Variants in MMP16 observed in about 807,000 individuals in gnomAD.
The protein encoded by MMP16 is matrix metalloproteinase-16.
In MMP16, 12 loss-of-function variants were observed where a neutral mutation model predicts 67.8. That is an observed-to-expected ratio of 0.18 (90% confidence interval 0.11 to 0.29). MMP16 has a LOEUF of 0.29. Among genes scored for constraint, MMP16 ranks in the 10% least tolerant of loss-of-function variants. The probability of loss-of-function intolerance (pLI) is 1.00; values close to 1 mark genes in which losing one functional copy is unlikely to be tolerated. For missense variants in MMP16, 475 were observed against 765.7 expected (o/e 0.62, Z 4.48); for synonymous variants, 249 against 255.9 (o/e 0.97, Z 0.26).
intron 1 of MMP16, among the ~76,000 whole-genome samples, chr8:88,324,871 AG>A (rs922062074): frequency 7.9e-5 from 12 of 152,214 alleles, no homozygotes; most frequent in African/African-American, 2.4e-4. Context: ...TCTAAAAAAA[AG>A]GGGGGGTATC....
intron 1 of MMP16, among the ~76,000 whole-genome samples, chr8:88,304,025 A>C (rs1811174406): frequency 6.7e-6 from 1 of 149,158 alleles, no homozygotes; most frequent in Non-Finnish European, 1.5e-5. Context: ...GTTGTAACCC[A>C]ATGAAAAGAA....
Position 88,056,274 on chromosome 8 carries a change from G to A in MMP16, c.1227C>T (p.Asn409=). Residue 409 remains asparagine, a synonymous_variant, in exon 8 of 10, where the codon AAC becomes AAT. Transcript: ENST00000286614. ...TTGTATCCTTGAACACCCAATATTT[G>A]TTACCTGTATGGAATAAGTGTAAAT... ...SDGNFVFFKG[N]KYWVFKDTTL... 1 of 1,537,278 alleles carries A rather than the reference G, an allele frequency of 6.5e-7. No individual in the cohort carries two copies. The highest frequency in any genetic ancestry group is 8.8e-7 in the Non-Finnish European group (1 of 1,133,616).
chr8:88,102,229 A>T (rs1022075908), intron 6 of MMP16, among the ~76,000 whole-genome samples: 1 of 151,772 alleles, frequency 6.6e-6, no homozygotes, highest in Non-Finnish European at 1.5e-5. Flanking sequence ...CCCTCTTCAG[A>T]CAAGCAGTGG....
chr8:88,154,039 A>G (rs1808460731), intron 4 of MMP16, among the ~76,000 whole-genome samples: 1 of 147,456 alleles, frequency 6.8e-6, no homozygotes, highest in African/African-American at 2.5e-5. Flanking sequence ...AAACAACCCC[A>G]TCAAAAAGTG....
chr8:88,258,979 A>G (rs1278317201), intron 1 of MMP16, among the ~76,000 whole-genome samples: 1 of 152,128 alleles, frequency 6.6e-6, no homozygotes, highest in Non-Finnish European at 1.5e-5. Context: ...CAAGAACCTA[A>G]TGTGGTAGCT....
chr8:88,291,866 T>A (rs1810930392), intron 1 of MMP16, among the ~76,000 whole-genome samples: 2 of 152,202 alleles, frequency 1.3e-5, no homozygotes, highest in Non-Finnish European at 2.9e-5. Context: ...TTTTAATGAC[T>A]TGATATTCAC....
chr8:88,323,201 G>A lies in MMP16; in HGVS notation c.132+3874C>T, dbSNP rs191247926. ...TTTTTTAAGCAAGCAAAGAACAAGAGAAAAGCAACAGTGTCCCAACATAAG... is the reference window on the plus strand; with the variant it reads ...TTTTTTAAGCAAGCAAAGAACAAGAAAAAAGCAACAGTGTCCCAACATAAG... On this transcript the variant is annotated intron_variant, in intron 1 of 9. Transcript: ENST00000286614. 1.1e-3 allele frequency among the ~76,000 whole-genome samples: 165 copies of A among 152,146 alleles called. 1 individual carries two copies. Among genetic ancestry groups the A allele is most frequent in the Admixed American group, 2.3e-3 (35 of 15,286 alleles).
chr8:88,210,845 T>C (rs147742871), intron 1 of MMP16, among the ~76,000 whole-genome samples: 87 of 152,250 alleles, frequency 5.7e-4, no homozygotes, highest in Middle Eastern at 3.4e-3. Context: ...AGAGTACTGA[T>C]ACTCAATGTA....
chr8:88,300,169 A>C (rs1385161397), intron 1 of MMP16, among the ~76,000 whole-genome samples: 1 of 152,216 alleles, frequency 6.6e-6, no homozygotes, highest in Admixed American at 6.5e-5. Flanking sequence ...TTATAAATGC[A>C]TTCTATCAGG....
At chr8:88,141,427 G>T (rs992365632) in intron 4 of MMP16, among the ~76,000 whole-genome samples, 2 of 152,162 alleles carry the variant, frequency 1.3e-5, no homozygotes, top group Admixed American at 1.3e-4. Context: ...TTTAGCTGGA[G>T]TTAATACTCA....
At chr8:88,236,200 C>T (rs1299149178) in intron 1 of MMP16, among the ~76,000 whole-genome samples, 2 of 152,206 alleles carry the variant, frequency 1.3e-5, no homozygotes, top group Admixed American at 6.5e-5. Flanking sequence ...AGTTACAGGG[C>T]AGGGTGCTAG....
At chr8:88,310,024 C>T (rs573667124) in intron 1 of MMP16, among the ~76,000 whole-genome samples, 27 of 152,172 alleles carry the variant, frequency 1.8e-4, no homozygotes, top group Non-Finnish European at 3.8e-4. Flanking sequence ...GTTAAGACCT[C>T]CAGTGAAATA....
intron 1 of MMP16, among the ~76,000 whole-genome samples, chr8:88,320,344 T>A (rs1252825381): frequency 6.6e-6 from 1 of 152,180 alleles, no homozygotes; most frequent in Non-Finnish European, 1.5e-5. Flanking sequence ...TTAAATTTAT[T>A]CCACCTCTAA....
chr8:88,239,286 C>T (rs948763137), intron 1 of MMP16, among the ~76,000 whole-genome samples: 4 of 86,488 alleles, frequency 4.6e-5, no homozygotes, highest in Non-Finnish European at 8.4e-5. Flanking sequence ...CAGAGACAGA[C>T]GCAGTCTCAA....
chr8:88,232,323 A>T (rs185541660), intron 1 of MMP16, among the ~76,000 whole-genome samples: 1 of 152,292 alleles, frequency 6.6e-6, no homozygotes, highest in East Asian at 1.9e-4. Flanking sequence ...AAACTGAAGC[A>T]ATCTCCCAAC....
chr8:88,048,206 A>G (rs1401417605), intron 8 of MMP16, among the ~76,000 whole-genome samples: 1 of 152,162 alleles, frequency 6.6e-6, no homozygotes, highest in Non-Finnish European at 1.5e-5. Context: ...GAGTATAGAC[A>G]TTAGGGCTGG....
At chr8:88,322,108 T>TA (rs1811468927) in intron 1 of MMP16, among the ~76,000 whole-genome samples, 5 of 152,324 alleles carry the variant, frequency 3.3e-5, no homozygotes, top group Admixed American at 2.6e-4. Flanking sequence ...TTAAGTTTCT[T>TA]ATTGAATCCT....
At chr8:88,047,808 G>A (rs1808218153) in intron 8 of MMP16, among the ~76,000 whole-genome samples, 1 of 152,192 alleles carries the variant, frequency 6.6e-6, no homozygotes, top group South Asian at 2.1e-4. Context: ...GCTAAGTGTT[G>A]AAAAGAATAC....
rs898093586 is a variant in MMP16, at chr8:88,036,983, T to C, written c.*4478A>G. 2.0e-5 allele frequency: 3 copies of C among 151,600 alleles called. No homozygotes were observed. The highest frequency in any genetic ancestry group is 7.3e-5 in the African/African-American group (3 of 41,360). The allele number at this position is 151,600 out of a possible 1,614,324, so 9.4% of individuals were successfully genotyped here. A position where few individuals can be genotyped will look rare whatever the true frequency, so the allele number is the denominator to read the frequency against. On this transcript the variant is annotated 3_prime_UTR_variant, in exon 10 of 10. Coordinates refer to ENST00000286614, the MANE Select transcript of MMP16 (RefSeq NM_005941.5). ...AAACTTTAAAATATATATTTTTTCA[T>C]GACTCAGTTTAACTCAGTCTGTCTG...
Sources: allele counts gnomAD v4.1 joint callset (sites outside exome capture counted in the v4.1 genomes callset), GRCh38; gene constraint gnomAD v4.1.1; transcripts MANE v1.5; gene names NCBI Gene and HGNC (gene_info 2026-07-23, HGNC 2026-07-21).